Variants in SAP30L observed in about 807,000 individuals in gnomAD.
SAP30L encodes the protein histone deacetylase complex subunit SAP30L.
In SAP30L, 10 loss-of-function variants were observed where a neutral mutation model predicts 22.3. The ratio of observed to expected loss-of-function variants is 0.45; its 90% CI spans 0.28 to 0.76. The LOEUF (loss-of-function observed/expected upper bound fraction) is 0.76. Ranked by LOEUF, SAP30L falls within the 30% of genes least tolerant of loss-of-function variation. The pLI, the probability that SAP30L is intolerant of heterozygous loss-of-function variation, is 0.14. For missense variants in SAP30L, 206 were observed against 237.9 expected, an observed-to-expected ratio of 0.87 and a Z score of 0.88; for synonymous variants, 91 against 94.1, an observed-to-expected ratio of 0.97 and a Z score of 0.19.
intron 1 of SAP30L, among the ~76,000 whole-genome samples, chr5:154,449,124 A>T (rs1243961635): frequency 6.6e-6 from 1 of 152,258 alleles, no homozygotes; most frequent in Non-Finnish European, 1.5e-5. Flanking sequence ...AGAGTCTAGC[A>T]GAGAACCTTT....
chr5:154,449,440 A>T (rs1485810042), intron 1 of SAP30L, among the ~76,000 whole-genome samples: 1 of 152,156 alleles, frequency 6.6e-6, no homozygotes, highest in Non-Finnish European at 1.5e-5. Context: ...GTGATTGCTA[A>T]GTTCTCTTAC....
At chr5:154,450,582 C>T (rs1022782044) in intron 1 of SAP30L, among the ~76,000 whole-genome samples, 3 of 152,142 alleles carry the variant, frequency 2.0e-5, no homozygotes, top group South Asian at 2.1e-4. Context: ...TCTGTCTTGT[C>T]GGAAGGAAAG....
rs1757310044 is a variant in SAP30L, at chr5:154,458,535, C to T, written c.*2507C>T. 6.6e-6 allele frequency: 1 copy of T among 152,170 alleles called. No individual in the cohort carries two copies. Among genetic ancestry groups the T allele is most frequent in the African/African-American group, 2.4e-5 (1 of 41,410 alleles). The allele number at this position is 152,170 out of a possible 1,614,324, so 9.4% of individuals were successfully genotyped here. On this transcript the variant is annotated 3_prime_UTR_variant, in exon 4 of 4. Transcript: ENST00000297109. ...CATCTTGGCTGCTCCATTTTTATAC[C>T]ATCCATCAAGGACTCTTGCGCTTCT...
rs544938523 is a variant in SAP30L, at chr5:154,451,612, A to G, written c.324+399A>G. ...ATGGTTTGGGAGAAGTCTTTTCCCC[A>G]AAAAATGAAGGTGTAAGTCATCAGT... On this transcript the variant is annotated intron_variant, in intron 2 of 3. Transcript: ENST00000297109. 8.5e-5 allele frequency among the ~76,000 whole-genome samples: 13 copies of G among 152,246 alleles called. 1 individual carries two copies. The highest frequency in any genetic ancestry group is 3.1e-4 in the African/African-American group (13 of 41,556).
chr5:154,454,464 A>T (rs1757222197), intron 3 of SAP30L, among the ~76,000 whole-genome samples: 1 of 152,210 alleles, frequency 6.6e-6, no homozygotes, highest in Admixed American at 6.5e-5. Flanking sequence ...GAAAAATATA[A>T]TTCTATCATC....
In SAP30L at chr5:154,456,098, C is replaced by A; in HGVS notation, c.*70C>A. On this transcript the variant is annotated 3_prime_UTR_variant, in exon 4 of 4. Coordinates refer to ENST00000297109, the MANE Select transcript of SAP30L (RefSeq NM_024632.6). Reference sequence around the variant, plus strand: ...CAGGTGATATCTACTACATTTAAGCCCATAAAGACTGTTAAATATTATTGT... The same window carrying A: ...CAGGTGATATCTACTACATTTAAGCACATAAAGACTGTTAAATATTATTGT... 2 of 1,467,448 alleles carry A rather than the reference C, an allele frequency of 1.4e-6. No homozygotes were observed. The highest frequency in any genetic ancestry group is 9.2e-7 in the Non-Finnish European group (1 of 1,088,200). 90.9% of individuals were successfully genotyped at this position (1,467,448 alleles called of 1,614,324 possible).
At chr5:154,448,089 C>T (rs553960539) in intron 1 of SAP30L, among the ~76,000 whole-genome samples, 6 of 151,414 alleles carry the variant, frequency 4.0e-5, no homozygotes, top group African/African-American at 1.5e-4. Context: ...GATTCTCCTG[C>T]CTCAGCCTCC....
intron 2 of SAP30L, among the ~76,000 whole-genome samples, chr5:154,451,541 G>A (rs1487308307): frequency 9.9e-6 from 1 of 101,264 alleles, no homozygotes; most frequent in Non-Finnish European, 2.2e-5. Context: ...TACAACCACA[G>A]TGTCACTTTT....
intron 1 of SAP30L, among the ~76,000 whole-genome samples, chr5:154,448,497 G>A (rs920210119): frequency 1.6e-4 from 25 of 152,222 alleles, no homozygotes; most frequent in African/African-American, 6.0e-4. Context: ...CACACGTTGA[G>A]GTGAAATGCT....
intron 2 of SAP30L, among the ~76,000 whole-genome samples, chr5:154,452,172 T>G (rs1289689503): frequency 6.6e-6 from 1 of 152,166 alleles, no homozygotes; most frequent in African/African-American, 2.4e-5. Context: ...TGAAAATGAC[T>G]GTGTAGGAAT....
chr5:154,448,182 G>A (rs1757065370), intron 1 of SAP30L, among the ~76,000 whole-genome samples: 1 of 151,858 alleles, frequency 6.6e-6, no homozygotes, highest in South Asian at 2.1e-4. Context: ...CGCCATGTTG[G>A]ACAGGCTGGT....
intron 2 of SAP30L, chr5:154,452,378 A>AAG (rs1224066189): frequency 1.5e-6 from 1 of 657,838 alleles, no homozygotes; most frequent in African/African-American, 2.0e-5. Context: ...AAAAAAAAAA[A>AAG]AAAAGGTTTT....
rs1421864503 is a variant in SAP30L, at chr5:154,458,053, T to C, written c.*2025T>C. The C allele has an allele frequency of 6.6e-6, 1 of 152,202 alleles. No individual in the cohort carries two copies. Among genetic ancestry groups the C allele is most frequent in the East Asian group, 1.9e-4 (1 of 5,204 alleles). The allele number at this position is 152,202 out of a possible 1,614,324, so 9.4% of individuals were successfully genotyped here. A position where few individuals can be genotyped will look rare whatever the true frequency, so the allele number is the denominator to read the frequency against. ...ACTATTTCTTTAGCAGCAAATCTGT[T>C]TTCCCAGTTGAGAGAGACAATAGCT... On this transcript the variant is annotated 3_prime_UTR_variant, in exon 4 of 4. Transcript: ENST00000297109.
chr5:154,448,354 G>GACAGGTGCTATTTTT (rs1204234280), intron 1 of SAP30L, among the ~76,000 whole-genome samples: 1 of 152,178 alleles, frequency 6.6e-6, no homozygotes, highest in Non-Finnish European at 1.5e-5. Context: ...CTCTTGCATG[G>GACAGGTGCTATTTTT]ACAGGTGCTA....
At chr5:154,452,365 C>CAA (rs34765495) in intron 2 of SAP30L, 9,670 of 228,292 alleles carry the variant, frequency 0.042, 424 homozygotes, top group African/African-American at 0.15. Context: ...TGGTTTTCAC[C>CAA]AAAAAAAAAA....
At position 154,456,552 on chromosome 5, in the gene SAP30L, C is replaced by T. The variant is rs1050169324; in HGVS notation, c.*524C>T. On this transcript the variant is annotated 3_prime_UTR_variant, in exon 4 of 4. Transcript: ENST00000297109. ...CCTCACTCACCCTGTGCCTTGTACA[C>T]AGTAGGCACTCAATCAGTAGGTATT... is the stretch of plus-strand genomic sequence containing the variant. 1 of 154,382 alleles carries T rather than the reference C, an allele frequency of 6.5e-6. No individual in the cohort carries two copies. Among genetic ancestry groups the T allele is most frequent in the African/African-American group, 2.4e-5 (1 of 41,470 alleles). 9.6% of individuals were successfully genotyped at this position (154,382 alleles called of 1,614,324 possible).
Position 154,459,979 on chromosome 5 carries a change from A to G in SAP30L, c.*3951A>G, listed in dbSNP as rs1184461168. On this transcript the variant is annotated 3_prime_UTR_variant, in exon 4 of 4. Transcript: ENST00000297109. ...ATCCGTTTTTAGAGATGGGGAAACT[A>G]AAACTCAAAAAGATGTGCCTGAGGT... 6.6e-6 allele frequency: 1 copy of G among 152,216 alleles called. No homozygotes were observed. Among genetic ancestry groups the G allele is most frequent in the Non-Finnish European group, 1.5e-5 (1 of 68,032 alleles). The allele number at this position is 152,216 out of a possible 1,614,324, so 9.4% of individuals were successfully genotyped here. A position where few individuals can be genotyped will look rare whatever the true frequency, so the allele number is the denominator to read the frequency against.
intron 1 of SAP30L, among the ~76,000 whole-genome samples, chr5:154,449,467 T>C (rs1409368516): frequency 1.3e-5 from 2 of 152,184 alleles, no homozygotes; most frequent in African/African-American, 4.8e-5. Flanking sequence ...GATTCCGTTA[T>C]TCTATTGTCC....
chr5:154,454,064 C>T (rs189427022), intron 3 of SAP30L, among the ~76,000 whole-genome samples: 16 of 152,338 alleles, frequency 1.1e-4, no homozygotes, highest in African/African-American at 3.6e-4. Flanking sequence ...GCCATCCTTC[C>T]ACCTCAGCCT....
Sources: allele counts gnomAD v4.1 joint callset (sites outside exome capture counted in the v4.1 genomes callset), GRCh38; gene constraint gnomAD v4.1.1; transcripts MANE v1.5; gene names NCBI Gene and HGNC (gene_info 2026-07-23, HGNC 2026-07-21).